The following MED27 variants were observed in gnomAD, a reference collection of about 807,000 sequenced individuals.
The protein encoded by MED27 is mediator complex subunit 27.
In MED27, 30 loss-of-function variants were observed where a neutral mutation model predicts 38.2. The observed-to-expected ratio is 0.79, with a 90% CI of 0.59 to 1.07. The LOEUF (loss-of-function observed/expected upper bound fraction) is 1.07, where lower values mean the gene tolerates loss of function less well. MED27 is among the 50% of genes least tolerant of loss of function. The pLI is 0.00. For missense variants in MED27, 289 were observed against 397.5 expected (o/e 0.73, Z 2.32); for synonymous variants, 122 against 153.5 (o/e 0.79, Z 1.52).
At chr9:131,869,129 C>G (rs1030620342) in intron 6 of MED27, 34 of 985,412 alleles carry the variant, frequency 3.5e-5, no homozygotes, top group Non-Finnish European at 4.1e-5. Context: ...TCTTCAATTT[C>G]CCACCACCAA....
chr9:132,002,200 C>T (rs114381924), intron 3 of MED27, among the ~76,000 whole-genome samples: 1 of 152,212 alleles, frequency 6.6e-6, no homozygotes, highest in Admixed American at 6.5e-5. Context: ...CCATCCCCCT[C>T]ACCACTGCCT....
intron 2 of MED27, among the ~76,000 whole-genome samples, chr9:132,019,581 G>A (rs1832675964): frequency 6.6e-6 from 1 of 152,148 alleles, no homozygotes; most frequent in Non-Finnish European, 1.5e-5. Flanking sequence ...TTTAACAATA[G>A]AGAAAGGCCA....
chr9:131,999,104 A>AT (rs1832163287), intron 3 of MED27, among the ~76,000 whole-genome samples: 1 of 152,200 alleles, frequency 6.6e-6, no homozygotes, highest in Admixed American at 6.5e-5. Context: ...CTCCGGGGAC[A>AT]TTAAGTACCC....
intron 3 of MED27, among the ~76,000 whole-genome samples, chr9:131,985,770 T>C (rs1221184154): frequency 2.0e-5 from 3 of 152,138 alleles, no homozygotes. Flanking sequence ...AGGCAGGTCC[T>C]TCAGGAGGGA....
At chr9:132,035,173 T>C (rs1833047460) in intron 2 of MED27, among the ~76,000 whole-genome samples, 2 of 152,240 alleles carry the variant, frequency 1.3e-5, no homozygotes, top group Admixed American at 1.3e-4. Context: ...AGCTGTCATT[T>C]GCCCAAAGTC....
rs1281659509 is a variant in MED27, at chr9:132,051,985, AGG to A, written c.348+25455_348+25456del. On this transcript the variant is annotated intron_variant, in intron 2 of 7. Transcript: ENST00000292035. The surrounding 1 kb of genome is among the most constrained non-coding windows in gnomAD (Gnocchi z 4.2). The stretch of plus-strand genomic sequence containing the variant: ...ACAAAACAACTGTGTTCCAGGAAAA[AGG>A]GCAACAGGAGAAAATAACATGGCTC... Among the ~76,000 whole-genome samples the A allele has an allele frequency of 6.6e-6, 1 of 152,218 alleles. No individual in the cohort carries two copies. Among genetic ancestry groups the A allele is most frequent in the Non-Finnish European group, 1.5e-5 (1 of 68,038 alleles).
In MED27 at chr9:131,860,400, C is replaced by T; in HGVS notation, c.*138G>A. ...GTCTGCTCTTCAAGAGTGGCCTCTG[C>T]ACACATGGCGCTGCTTTATGAAAGG... On this transcript the variant is annotated 3_prime_UTR_variant, in exon 8 of 8. Coordinates refer to ENST00000292035, the MANE Select transcript of MED27 (RefSeq NM_004269.4). The surrounding 1 kb of genome is among the most constrained non-coding windows in gnomAD (Gnocchi z 5.8). 9.7e-7 allele frequency: 1 copy of T among 1,031,418 alleles called. No individual in the cohort carries two copies. Among genetic ancestry groups the T allele is most frequent in the Non-Finnish European group, 1.4e-6 (1 of 739,356 alleles). 63.9% of individuals were successfully genotyped at this position (1,031,418 alleles called of 1,614,324 possible).
intron 4 of MED27, among the ~76,000 whole-genome samples, chr9:131,932,793 AACCAG>A (rs1719167132): frequency 6.6e-6 from 1 of 152,202 alleles, no homozygotes; most frequent in African/African-American, 2.4e-5. Context: ...CTGATACCAA[AACCAG>A]ACAAAGACAC....
At chr9:131,966,366 AGAGCCAGACCCTGTCAC>A (rs1564303513) in intron 3 of MED27, among the ~76,000 whole-genome samples, 3 of 114,486 alleles carry the variant, frequency 2.6e-5, no homozygotes, top group Non-Finnish European at 3.7e-5. Flanking sequence ...CCCAGGCAAA[AGAGCCAGACCCTGTCAC>A]AAAAAAAAAA....
chr9:131,868,780 C>T (rs1215088855), intron 6 of MED27: 61 of 985,364 alleles, frequency 6.2e-5, no homozygotes, highest in African/African-American at 7.0e-5. Flanking sequence ...AGCAGCTGCC[C>T]GCCATCTCCC....
At chr9:132,025,222 C>G (rs1832794048) in intron 2 of MED27, among the ~76,000 whole-genome samples, 1 of 151,450 alleles carries the variant, frequency 6.6e-6, no homozygotes, top group South Asian at 2.1e-4. Flanking sequence ...CTCTTGTTGC[C>G]CAGGCTGGAG....
chr9:132,009,196 C>A (rs979478386), intron 3 of MED27, among the ~76,000 whole-genome samples: 4 of 152,178 alleles, frequency 2.6e-5, no homozygotes, highest in East Asian at 1.9e-4. Context: ...TAGAACCAAG[C>A]ATTTGTAGGC....
chr9:132,028,950 C>G (rs1001290459), intron 2 of MED27, among the ~76,000 whole-genome samples: 3 of 152,138 alleles, frequency 2.0e-5, no homozygotes, highest in Non-Finnish European at 4.4e-5. Context: ...GCAGATTCAC[C>G]GGTAGCTTCA....
chr9:131,942,783 C>G (rs1830811849), intron 3 of MED27, among the ~76,000 whole-genome samples: 1 of 152,174 alleles, frequency 6.6e-6, no homozygotes, highest in African/African-American at 2.4e-5. Context: ...AGAAACCAAG[C>G]TCAGTGTGTA....
chr9:132,076,912 A>T (rs530304288), intron 2 of MED27, among the ~76,000 whole-genome samples: 1 of 152,292 alleles, frequency 6.6e-6, no homozygotes, highest in South Asian at 2.1e-4. Context: ...TGAATATCAA[A>T]CTCTACAGAG....
intron 6 of MED27, among the ~76,000 whole-genome samples, chr9:131,878,259 C>T (rs185582823): frequency 1.8e-4 from 27 of 147,862 alleles, no homozygotes; most frequent in Non-Finnish European, 3.4e-4. Context: ...GGCAACAGAG[C>T]GAGACTCCAT....
chr9:131,866,382 T>G (rs1838736727), intron 6 of MED27, among the ~76,000 whole-genome samples: 1 of 152,178 alleles, frequency 6.6e-6, no homozygotes, highest in African/African-American at 2.4e-5. Flanking sequence ...GACCTGCACC[T>G]CCTCCAGCAT....
intron 6 of MED27, among the ~76,000 whole-genome samples, chr9:131,867,208 G>A (rs1838752120): frequency 6.6e-6 from 1 of 152,218 alleles, no homozygotes; most frequent in Non-Finnish European, 1.5e-5. Flanking sequence ...TGCGGGGAGA[G>A]TGGCTCAGAT....
At chr9:131,884,228 T>C (rs967597976) in intron 5 of MED27, 129 bp from the exon 6 acceptor site, 4 of 617,118 alleles carry the variant, frequency 6.5e-6, no homozygotes, top group Middle Eastern at 3.8e-4. Context: ...TAATAGGATC[T>C]CAGGGTTGAA....
Sources: gnomAD v4.1 joint callset for allele counts (sites outside exome capture counted in the v4.1 genomes callset) on GRCh38, gnomAD v4.1.1 for gene constraint, Gnocchi (gnomAD v3.1) non-coding constraint, MANE v1.5 for transcripts, NCBI Gene and HGNC (gene_info 2026-07-23, HGNC 2026-07-21) for gene names.